Variants in GUCY1A1 observed in about 807,000 individuals in gnomAD.
GUCY1A1 encodes the protein guanylate cyclase soluble subunit alpha-1.
In GUCY1A1, 48 loss-of-function variants were observed where a neutral mutation model predicts 64.5. That is an observed-to-expected ratio of 0.74 (90% confidence interval 0.59 to 0.95). GUCY1A1 has a LOEUF of 0.95. Among genes scored for constraint, GUCY1A1 ranks in the 40% least tolerant of loss-of-function variants. GUCY1A1 has a pLI of 0.00. For synonymous variants in GUCY1A1, 308 were observed against 303.4 expected, an observed-to-expected ratio of 1.02 and a Z score of -0.16; for missense variants, 804 against 825.3, an observed-to-expected ratio of 0.97 and a Z score of 0.32.
intron 1 of GUCY1A1, 143 bp from the exon 2 acceptor site, chr4:155,667,203 G>A (rs911190153): frequency 3.9e-5 from 6 of 152,148 alleles, no homozygotes; most frequent in African/African-American, 1.4e-4. Flanking sequence ...TGAACAGGTA[G>A]ACATGAGCGA....
chr4:155,720,367 C>CTATG (rs1253133823), intron 8 of GUCY1A1, among the ~76,000 whole-genome samples: 3 of 151,694 alleles, frequency 2.0e-5, no homozygotes, highest in Admixed American at 2.0e-4. Context: ...ATCTATCTAT[C>CTATG]TATCTATCTA....
At chr4:155,710,206 A>C (rs1732374331) in intron 5 of GUCY1A1, among the ~76,000 whole-genome samples, 1 of 152,178 alleles carries the variant, frequency 6.6e-6, no homozygotes, top group South Asian at 2.1e-4. Flanking sequence ...TTGTTAACAG[A>C]AAGATTGGAG....
At chr4:155,684,594 T>C (rs947881430) in intron 2 of GUCY1A1, among the ~76,000 whole-genome samples, 4 of 152,136 alleles carry the variant, frequency 2.6e-5, no homozygotes, top group African/African-American at 9.7e-5. Context: ...ATCTGCTGAG[T>C]CTCCAGGCCT....
chr4:155,701,082 G>A (rs530992692), intron 3 of GUCY1A1, among the ~76,000 whole-genome samples: 2 of 152,224 alleles, frequency 1.3e-5, no homozygotes, highest in East Asian at 3.9e-4. Flanking sequence ...TATATCACAG[G>A]AAGTACAGCA....
intron 2 of GUCY1A1, among the ~76,000 whole-genome samples, chr4:155,686,637 T>G (rs541093507): frequency 6.6e-6 from 1 of 152,334 alleles, no homozygotes; most frequent in South Asian, 2.1e-4. Flanking sequence ...TCTATTTAAG[T>G]TTGGTTGTTA....
At chr4:155,711,356 CAT>C (rs1038539408) in intron 6 of GUCY1A1, 105 bp downstream of exon 6, 11 of 609,722 alleles carry the variant, frequency 1.8e-5, no homozygotes, top group African/African-American at 3.7e-5. Context: ...TTTGATAAAA[CAT>C]ATGTAAAACA....
intron 7 of GUCY1A1, 67 bp from the exon 8 acceptor site, chr4:155,717,092 C>A: frequency 1.8e-6 from 2 of 1,122,242 alleles, no homozygotes; most frequent in Non-Finnish European, 2.4e-6. Flanking sequence ...TTAATTTCTT[C>A]TATCCGATGT....
chr4:155,700,511 C>T (rs1016247304), intron 3 of GUCY1A1, among the ~76,000 whole-genome samples: 2 of 152,276 alleles, frequency 1.3e-5, no homozygotes, highest in Admixed American at 1.3e-4. Context: ...AGCAATGTTG[C>T]ATCAAATAGC....
chr4:155,714,179 A>G (rs1732941148), intron 7 of GUCY1A1, among the ~76,000 whole-genome samples: 2 of 152,210 alleles, frequency 1.3e-5, no homozygotes. Flanking sequence ...CCTATCTTCA[A>G]ATCTTGTTCT....
intron 9 of GUCY1A1, among the ~76,000 whole-genome samples, chr4:155,724,877 G>T (rs947879580): frequency 6.6e-6 from 1 of 151,926 alleles, no homozygotes; most frequent in Non-Finnish European, 1.5e-5. Context: ...GAACTGGACC[G>T]AATTAGAATG....
At chr4:155,670,839 C>T (rs1442820552) in intron 2 of GUCY1A1, among the ~76,000 whole-genome samples, 1 of 152,274 alleles carries the variant, frequency 6.6e-6, no homozygotes, top group South Asian at 2.1e-4. Flanking sequence ...TCTCACCATA[C>T]TAAGAATTAG....
intron 3 of GUCY1A1, among the ~76,000 whole-genome samples, chr4:155,698,871 T>C (rs1730739713): frequency 6.6e-6 from 1 of 152,202 alleles, no homozygotes; most frequent in South Asian, 2.1e-4. Flanking sequence ...GTTCAGTTAT[T>C]CTTTCATTCC....
intron 2 of GUCY1A1, among the ~76,000 whole-genome samples, chr4:155,677,173 A>G (rs902275659): frequency 3.3e-5 from 5 of 152,244 alleles, no homozygotes; most frequent in Non-Finnish European, 5.9e-5. Flanking sequence ...ATGTGAATGA[A>G]TGAGTGAGTG....
chr4:155,706,889 C>T (rs1290251272), intron 4 of GUCY1A1, among the ~76,000 whole-genome samples: 2 of 152,174 alleles, frequency 1.3e-5, no homozygotes, highest in African/African-American at 4.8e-5. Context: ...ACAAGTCGTG[C>T]AGTTAAAACT....
At chr4:155,714,588 A>G (rs1560956119) in intron 7 of GUCY1A1, among the ~76,000 whole-genome samples, 1 of 152,212 alleles carries the variant, frequency 6.6e-6, no homozygotes, top group Non-Finnish European at 1.5e-5. Flanking sequence ...TCTCATTTGT[A>G]TGGCTTGAAT....
chr4:155,702,126 T>TCTCAAGC (rs1579063998), intron 3 of GUCY1A1, among the ~76,000 whole-genome samples: 2 of 152,304 alleles, frequency 1.3e-5, no homozygotes, highest in East Asian at 3.9e-4. Context: ...CTCTCTGCCC[T>TCTCAAGC]TTTGGAGCTT....
At chr4:155,678,060 TGATA>T (rs1355328261) in intron 2 of GUCY1A1, among the ~76,000 whole-genome samples, 14 of 152,118 alleles carry the variant, frequency 9.2e-5, no homozygotes, top group Non-Finnish European at 1.5e-5. Context: ...ACAAGTATAC[TGATA>T]GTTAGGAAAA....
In GUCY1A1 at chr4:155,708,139, A is replaced by C; in HGVS notation, c.318-97A>C. On this transcript the variant is annotated intron_variant, in intron 4 of 9. Coordinates refer to ENST00000506455, the MANE Select transcript of GUCY1A1 (RefSeq NM_001130682.3). ...GGCGTGAGCCGCTGTGCCTGGCCTA[A>C]TTTAAACTATTTTCTATCATTGTTT... 1.2e-5 allele frequency: 8 copies of C among 690,256 alleles called. No homozygotes were observed. In the South Asian group the frequency reaches 1.4e-4, roughly 12 times the overall value. 42.8% of individuals were successfully genotyped at this position (690,256 alleles called of 1,614,324 possible).
intron 2 of GUCY1A1, among the ~76,000 whole-genome samples, chr4:155,684,371 G>C (rs2126637293): frequency 1.3e-5 from 1 of 78,078 alleles, no homozygotes; most frequent in Non-Finnish European, 2.6e-5. Flanking sequence ...TGGCAGAATT[G>C]AGTTTGTGTT....
Sources: allele counts gnomAD v4.1 joint callset (sites outside exome capture counted in the v4.1 genomes callset), GRCh38; gene constraint gnomAD v4.1.1; transcripts MANE v1.5; gene names NCBI Gene and HGNC (gene_info 2026-07-23, HGNC 2026-07-21).